DMD: variants seen among roughly 807,000 people sequenced by gnomAD.
DMD encodes dystrophin.
A neutral mutation model predicts 330.1 loss-of-function variants in DMD; 63 were observed. That is an observed-to-expected ratio of 0.19 (90% CI 0.16 to 0.24). DMD has a LOEUF of 0.24. Among genes scored for constraint, DMD ranks in the 10% least tolerant of loss-of-function variants. DMD has a pLI of 1.00. For missense variants in DMD, 3,344 were observed against 2,684.1 expected, an observed-to-expected ratio of 1.25 and a Z score of -5.43; for synonymous variants, 1,223 against 959.8, an observed-to-expected ratio of 1.27 and a Z score of -5.07.
chrX:32,680,292 A>G (rs186877206), intron 9 of DMD, among the ~76,000 whole-genome samples: 15 of 111,450 alleles, frequency 1.3e-4, no homozygotes, highest in African/African-American at 4.2e-4. Flanking sequence ...TATTTTTCTA[A>G]TATTTAACGT....
rs778774288 is a variant in DMD, at chrX:32,562,632, A to C, written c.1992+3070T>G. ...TGAAACTCATTTTTCTCCCACAATC[A>C]TTATAGAAAATGTACATACAAGTGA... On this transcript the variant is annotated intron_variant, in intron 16 of 78. Transcript: ENST00000357033. Among the ~76,000 whole-genome samples the C allele has an allele frequency of 1.1e-4, 12 of 112,747 alleles. No homozygotes were observed. The East Asian group carries it at 2.5e-3, about 24-fold the overall frequency.
intron 21 of DMD, among the ~76,000 whole-genome samples, chrX:32,483,287 GT>G (rs2042100733): frequency 9.6e-6 from 1 of 104,482 alleles, no homozygotes; most frequent in Admixed American, 1.1e-4. Flanking sequence ...TATAATAGCA[GT>G]GAAAAAGTTA....
At chrX:32,005,039 C>T (rs764167080) in intron 44 of DMD, among the ~76,000 whole-genome samples, 4 of 111,707 alleles carry the variant, frequency 3.6e-5, no homozygotes, top group Admixed American at 2.9e-4. Flanking sequence ...AGGGCATCAT[C>T]ACTCATTCTT....
intron 2 of DMD, among the ~76,000 whole-genome samples, chrX:32,864,104 C>A (rs780388529): frequency 2.9e-4 from 33 of 112,289 alleles, no homozygotes; most frequent in Admixed American, 7.6e-4. Context: ...ATTCTGAAGT[C>A]AAATATTGTC....
chrX:32,828,687 A>T (rs2078938708), intron 4 of DMD, among the ~76,000 whole-genome samples: 1 of 110,768 alleles, frequency 9.0e-6, no homozygotes, highest in African/African-American at 3.3e-5. Flanking sequence ...ACACATATAT[A>T]TGTAATTTTA....
chrX:31,479,050 C>G lies in DMD; in HGVS notation c.8601G>C (p.Glu2867Asp). 8.3e-7 allele frequency: 1 copy of G among 1,206,637 alleles called. No individual in the cohort carries two copies. The highest frequency in any genetic ancestry group is 1.1e-6 in the Non-Finnish European group (1 of 891,266). ...GCTCTGTCAGAAATATTCGTACAGT[C>G]TCAAGAGTACTCATGATTACAGGTT... ...TKEPVIMSTL[E>D]TVRIFLTEQP... Residue 2867 changes from glutamate (E) to aspartate (D), a missense_variant, in exon 58 of 79, where the codon GAG becomes GAC. Coordinates refer to ENST00000357033, the MANE Select transcript of DMD (RefSeq NM_004006.3).
chrX:33,099,805 A>G (rs777811154), intron 1 of DMD, among the ~76,000 whole-genome samples: 66 of 111,742 alleles, frequency 5.9e-4, no homozygotes, highest in African/African-American at 1.9e-3. Flanking sequence ...CCTTTCATAA[A>G]GACAACGTGT....
intron 52 of DMD, among the ~76,000 whole-genome samples, chrX:31,706,890 C>T (rs1378350247): frequency 2.7e-5 from 3 of 111,673 alleles, no homozygotes; most frequent in African/African-American, 6.5e-5. Flanking sequence ...ATAGCTTTGT[C>T]CTTAGGTATT....
At chrX:31,580,360 G>C (rs1030926563) in intron 55 of DMD, among the ~76,000 whole-genome samples, 4 of 111,719 alleles carry the variant, frequency 3.6e-5, no homozygotes, top group African/African-American at 1.3e-4. Context: ...AAAAGGACTT[G>C]CTCGGGCTGG....
At chrX:32,533,339 C>T (rs1048278784) in intron 17 of DMD, among the ~76,000 whole-genome samples, 2 of 111,788 alleles carry the variant, frequency 1.8e-5, no homozygotes, top group Non-Finnish European at 3.8e-5. Flanking sequence ...TACTTCTAAA[C>T]TTCCTTTACT....
In DMD at chrX:31,492,619, C is replaced by A. The variant is rs769497356; in HGVS notation, c.8547+4169G>T. 3.6e-5 allele frequency among the ~76,000 whole-genome samples: 4 copies of A among 111,743 alleles called. No homozygotes were observed. In the South Asian group the frequency reaches 1.5e-3, roughly 42 times the overall value. On this transcript the variant is annotated intron_variant, in intron 57 of 78. Coordinates refer to ENST00000357033, the MANE Select transcript of DMD (RefSeq NM_004006.3). ...CATTCACAATAGCAAAGGCGTGGAA[C>A]CAACCCAAATGCCCATCAATGATAT...
chrX:33,272,204 T>G (rs923834795), intron 1 of DMD, among the ~76,000 whole-genome samples: 6 of 112,181 alleles, frequency 5.3e-5, no homozygotes, highest in Admixed American at 2.8e-4. Context: ...CTTTAAGATC[T>G]TTTCCCCCAT....
intron 33 of DMD, 50 bp downstream of exon 33, chrX:32,386,260 A>G (rs755206835): frequency 5.0e-6 from 6 of 1,196,736 alleles, no homozygotes; most frequent in Non-Finnish European, 6.8e-6. Context: ...TTGCTTTACA[A>G]TTTATAAGGA....
intron 1 of DMD, among the ~76,000 whole-genome samples, chrX:33,242,443 TC>T (rs1333291493): frequency 8.9e-6 from 1 of 112,172 alleles, no homozygotes; most frequent in Non-Finnish European, 1.9e-5. Context: ...GTTAATTTCT[TC>T]CTTTTTGTGG....
intron 44 of DMD, among the ~76,000 whole-genome samples, chrX:31,975,915 A>C (rs2095432899): frequency 8.9e-6 from 1 of 111,825 alleles, no homozygotes; most frequent in Admixed American, 9.6e-5. Context: ...TATTTGATGG[A>C]AGTATCTAAT....
chrX:31,272,396 T>C (rs1008576028), intron 62 of DMD, among the ~76,000 whole-genome samples: 15 of 112,044 alleles, frequency 1.3e-4, no homozygotes, highest in African/African-American at 4.9e-4. Flanking sequence ...CTGGTTAATG[T>C]GGTTCAAGTA....
intron 1 of DMD, among the ~76,000 whole-genome samples, chrX:33,033,448 C>T (rs1037964108): frequency 3.7e-5 from 4 of 107,815 alleles, no homozygotes; most frequent in Admixed American, 9.9e-5. Context: ...CGGTGGCTCA[C>T]GCCTGTAATC....
At chrX:32,307,981 G>A (rs2764973) in intron 42 of DMD, among the ~76,000 whole-genome samples, 45,212 of 109,090 alleles carry the variant, frequency 0.41, 6,955 homozygotes, top group Non-Finnish European at 0.45. Flanking sequence ...TGGCTCTGAA[G>A]TAAGAAAGAA....
intron 1 of DMD, among the ~76,000 whole-genome samples, chrX:33,024,615 T>G: frequency 8.9e-6 from 1 of 112,141 alleles, no homozygotes; most frequent in Non-Finnish European, 1.9e-5. Flanking sequence ...TTCATATTTT[T>G]TAAGATTAGT....
Sources: gnomAD v4.1 joint callset for allele counts (sites outside exome capture counted in the v4.1 genomes callset) on GRCh38, gnomAD v4.1.1 for gene constraint, MANE v1.5 for transcripts, NCBI Gene and HGNC (gene_info 2026-07-23, HGNC 2026-07-21) for gene names.